Variants in NAPEPLD observed in about 807,000 individuals in gnomAD.
NAPEPLD encodes the protein N-acyl-phosphatidylethanolamine-hydrolyzing phospholipase D.
NAPEPLD carries 23 observed loss-of-function variants against 38.1 expected under a neutral mutation model. The ratio of observed to expected loss-of-function variants is 0.60; its 90% CI spans 0.43 to 0.86. NAPEPLD has a LOEUF of 0.86. Among genes scored for constraint, NAPEPLD ranks in the 40% least tolerant of loss-of-function variants. NAPEPLD has a pLI of 0.00. For missense variants in NAPEPLD, 411 were observed against 476.8 expected (o/e 0.86, Z 1.28); for synonymous variants, 147 against 162.0 (o/e 0.91, Z 0.71).
At chr7:103,130,866 C>T (rs979525345) in intron 1 of NAPEPLD, among the ~76,000 whole-genome samples, 1 of 152,098 alleles carries the variant, frequency 6.6e-6, no homozygotes, top group African/African-American at 2.4e-5. Flanking sequence ...TCACAAAGTG[C>T]TAGGATTATA....
intron 2 of NAPEPLD, among the ~76,000 whole-genome samples, chr7:103,126,031 T>A (rs761792795): frequency 6.6e-6 from 1 of 152,124 alleles, no homozygotes; most frequent in Non-Finnish European, 1.5e-5. Context: ...TTCTCTGCCA[T>A]GAAACTCCAT....
intron 1 of NAPEPLD, among the ~76,000 whole-genome samples, chr7:103,132,771 C>T (rs1370416665): frequency 1.3e-5 from 2 of 151,768 alleles, no homozygotes; most frequent in Non-Finnish European, 2.9e-5. Flanking sequence ...GGCGACAGAG[C>T]GAGACTCCGT....
intron 1 of NAPEPLD, among the ~76,000 whole-genome samples, chr7:103,134,487 T>C (rs1809624480): frequency 1.3e-5 from 2 of 151,864 alleles, no homozygotes; most frequent in Admixed American, 6.6e-5. Flanking sequence ...CCATCTCTAC[T>C]AAAAATACAA....
chr7:103,127,337 C>G (rs1390172542), intron 2 of NAPEPLD: 1 of 152,078 alleles, frequency 6.6e-6, no homozygotes, highest in Non-Finnish European at 1.5e-5. Flanking sequence ...AAAACTGTTT[C>G]TAAACAAAAA....
intron 4 of NAPEPLD, among the ~76,000 whole-genome samples, chr7:103,108,134 CTTTTTTTTTT>C (rs56793237): frequency 0.85 from 99,980 of 117,724 alleles, 44,166 homozygotes; most frequent in East Asian, 0.98. Context: ...ATTCAACATT[CTTTTTTTTTT>C]TTTTTTTTTT....
intron 1 of NAPEPLD, among the ~76,000 whole-genome samples, chr7:103,140,753 C>T (rs1427192067): frequency 6.6e-6 from 1 of 152,094 alleles, no homozygotes; most frequent in Non-Finnish European, 1.5e-5. Context: ...CTCTCATTAG[C>T]TCAGAAGACT....
At position 103,103,479 on chromosome 7, in the gene NAPEPLD, A is replaced by G. The variant is rs144532716; in HGVS notation, c.1132T>C (p.Leu378=). ...AGGTATCTTGATTCTCCATGCTTCA[A>G]GACAAAAAAATCTTCAGCGTTAAGT... ...YGLNAEDFFV[L]KHGESRYLNN... is the part of the protein sequence containing the mutation. The change falls in exon 5 of 5, where the codon TTG becomes CTG. Residue 378 remains leucine (L), a synonymous_variant. Transcript: ENST00000465647. 4.4e-6 allele frequency: 7 copies of G among 1,597,620 alleles called. No individual in the cohort carries two copies. The highest frequency in any genetic ancestry group is 5.1e-6 in the Non-Finnish European group (6 of 1,175,778).
At chr7:103,144,964 T>G (rs1216066036) in intron 1 of NAPEPLD, among the ~76,000 whole-genome samples, 1 of 151,996 alleles carries the variant, frequency 6.6e-6, no homozygotes, top group Non-Finnish European at 1.5e-5. Context: ...TAGGCTGAGA[T>G]TGAGCCACTG....
intron 4 of NAPEPLD, among the ~76,000 whole-genome samples, chr7:103,114,838 A>C (rs903139130): frequency 7.3e-6 from 1 of 136,218 alleles, no homozygotes; most frequent in African/African-American, 2.6e-5. Context: ...GAAATAAGCC[A>C]AAAGAAAACA....
At chr7:103,132,916 T>C (rs561050662) in intron 1 of NAPEPLD, among the ~76,000 whole-genome samples, 1 of 152,304 alleles carries the variant, frequency 6.6e-6, no homozygotes, top group South Asian at 2.1e-4. Context: ...TCACCTCCCA[T>C]CCACTCAGTC....
chr7:103,145,522 C>A (rs886705761), intron 1 of NAPEPLD, among the ~76,000 whole-genome samples: 4 of 152,186 alleles, frequency 2.6e-5, no homozygotes, highest in African/African-American at 9.7e-5. Flanking sequence ...TTCAATGTTT[C>A]AATTTTGAGG....
At chr7:103,139,655 T>C (rs1810807608) in intron 1 of NAPEPLD, among the ~76,000 whole-genome samples, 1 of 152,198 alleles carries the variant, frequency 6.6e-6, no homozygotes, top group South Asian at 2.1e-4. Flanking sequence ...TGAACCCTGA[T>C]TCACTCACAA....
rs748399855 is a variant in NAPEPLD at position 103,119,719 on chromosome 7, A to C, written c.799T>G (p.Trp267Gly). 6.2e-7 allele frequency: 1 copy of C among 1,614,210 alleles called. No individual in the cohort carries two copies. The highest frequency in any genetic ancestry group is 1.1e-5 in the South Asian group (1 of 91,084). ...RTLMDDNKVL[W>G]GSWSVLGPWN... The stretch of plus-strand genomic sequence containing the variant: ...GGCCCCAAGACAGACCAGCTGCCCC[A>C]TAGCACCTTGTTGTCATCCATTAGA... Residue 267 changes from tryptophan (W) to glycine (G), a missense_variant, in exon 3 of 5, where the codon TGG becomes GGG. By Grantham distance (184) the Trp-to-Gly change is radical. Transcript: ENST00000465647.
intron 1 of NAPEPLD, among the ~76,000 whole-genome samples, chr7:103,131,729 T>C (rs1808981362): frequency 6.6e-6 from 1 of 150,762 alleles, no homozygotes; most frequent in South Asian, 2.1e-4. Flanking sequence ...GACTGGACAG[T>C]AAAGATGGGA....
chr7:103,109,322 C>T (rs1804036733), intron 4 of NAPEPLD, among the ~76,000 whole-genome samples: 1 of 152,122 alleles, frequency 6.6e-6, no homozygotes. Context: ...TATTCTAAAA[C>T]TCACCACATA....
chr7:103,103,355 A>T lies in NAPEPLD; in HGVS notation c.*74T>A. Reference sequence around the variant, plus strand: ...TGTAAAATAATCACAATATTCATGAATTTCTAAGTCTTTTCATTTGTTTTT... The same window carrying T: ...TGTAAAATAATCACAATATTCATGATTTTCTAAGTCTTTTCATTTGTTTTT... On this transcript the variant is annotated 3_prime_UTR_variant, in exon 5 of 5. Coordinates refer to ENST00000465647, the MANE Select transcript of NAPEPLD (RefSeq NM_001122838.3). The T allele has an allele frequency of 2.1e-6, 3 of 1,433,646 alleles. No individual in the cohort carries two copies. The highest frequency in any genetic ancestry group is 2.8e-6 in the Non-Finnish European group (3 of 1,070,020). 88.8% of individuals were successfully genotyped at this position (1,433,646 alleles called of 1,614,324 possible).
chr7:103,120,234 A>G lies in NAPEPLD; in HGVS notation c.295-11T>C, dbSNP rs767159575. The G allele has an allele frequency of 1.3e-6, 2 of 1,598,846 alleles. No individual in the cohort carries two copies. The highest frequency in any genetic ancestry group is 1.7e-5 in the Admixed American group (1 of 57,778). On this transcript the variant is annotated splice_polypyrimidine_tract_variant and intron_variant, in intron 2 of 4. Transcript: ENST00000465647. The stretch of plus-strand genomic sequence containing the variant: ...TTCTTTGTCTAGTTCCTTTGTGTAT[A>G]AAGAAAGCAAGACAAAAGAGTAGTT...
At chr7:103,130,025 C>A (rs747761668) in intron 1 of NAPEPLD, among the ~76,000 whole-genome samples, 5 of 152,172 alleles carry the variant, frequency 3.3e-5, no homozygotes, top group Non-Finnish European at 2.9e-5. Flanking sequence ...AACGTATCTG[C>A]CATGAATTTC....
chr7:103,129,740 G>C (rs1808536708), intron 1 of NAPEPLD, among the ~76,000 whole-genome samples: 2 of 152,168 alleles, frequency 1.3e-5, no homozygotes, highest in Admixed American at 6.5e-5. Context: ...ATACGACCTT[G>C]AGCCAGTTTC....
Sources: allele counts gnomAD v4.1 joint callset (sites outside exome capture counted in the v4.1 genomes callset), GRCh38; gene constraint gnomAD v4.1.1; transcripts MANE v1.5; gene names NCBI Gene and HGNC (gene_info 2026-07-23, HGNC 2026-07-21).